The following TIMP3 variants were observed in gnomAD, a reference collection of about 807,000 sequenced individuals.
TIMP3 encodes the protein metalloproteinase inhibitor 3.
In TIMP3, 11 loss-of-function variants were observed where a neutral mutation model predicts 30.0. The observed-to-expected ratio is 0.37, with a 90% CI of 0.23 to 0.61. The LOEUF (loss-of-function observed/expected upper bound fraction) is 0.61. TIMP3 is among the 20% of genes least tolerant of loss of function. The pLI is 0.70. For missense variants in TIMP3, 181 were observed against 276.8 expected, an observed-to-expected ratio of 0.65 and a Z score of 2.45; for synonymous variants, 112 against 111.3, an observed-to-expected ratio of 1.01 and a Z score of -0.04.
intron 4 of TIMP3, 147 bp downstream of exon 4, chr22:32,858,285 T>C: frequency 8.6e-7 from 1 of 1,160,650 alleles, no homozygotes; most frequent in Non-Finnish European, 1.2e-6. Context: ...TCTGAGCAGA[T>C]ATAGTAAGGA....
chr22:32,808,500 C>G (rs74815824), intron 1 of TIMP3, among the ~76,000 whole-genome samples: 1,685 of 152,282 alleles, frequency 0.011, 32 homozygotes, highest in African/African-American at 0.038. Context: ...AATTCCTGTT[C>G]TGATGAAAGC....
At chr22:32,840,950 C>G (rs769407504) in intron 1 of TIMP3, among the ~76,000 whole-genome samples, 1 of 152,336 alleles carries the variant, frequency 6.6e-6, no homozygotes, top group East Asian at 1.9e-4. Flanking sequence ...AATACTGAAA[C>G]ACCTTCCTGG....
At chr22:32,847,027 T>C (rs1388144951) in intron 1 of TIMP3, among the ~76,000 whole-genome samples, 1 of 152,196 alleles carries the variant, frequency 6.6e-6, no homozygotes, top group African/African-American at 2.4e-5. Flanking sequence ...AGTCAAGCCA[T>C]TTTTGAACCA....
chr22:32,856,081 A>C (rs1383685821), intron 2 of TIMP3, among the ~76,000 whole-genome samples: 2 of 152,190 alleles, frequency 1.3e-5, no homozygotes, highest in African/African-American at 4.8e-5. Context: ...TTTGTAATAC[A>C]TCCCTCCCAG....
intron 1 of TIMP3, among the ~76,000 whole-genome samples, chr22:32,817,907 C>T (rs2146037780): frequency 6.6e-6 from 1 of 152,246 alleles, no homozygotes; most frequent in South Asian, 2.1e-4. Context: ...AGATCTCTCC[C>T]CTCTCTGTTC....
intron 1 of TIMP3, among the ~76,000 whole-genome samples, chr22:32,814,666 C>T (rs571560750): frequency 1.3e-5 from 2 of 152,268 alleles, no homozygotes; most frequent in South Asian, 2.1e-4. Flanking sequence ...TAGAATGCTC[C>T]ACCTGGATAG....
intron 1 of TIMP3, among the ~76,000 whole-genome samples, chr22:32,821,110 A>G (rs2047235333): frequency 6.6e-6 from 1 of 152,206 alleles, no homozygotes; most frequent in Non-Finnish European, 1.5e-5. Flanking sequence ...AAGGGTTTGG[A>G]GAGACAGTGG....
chr22:32,832,517 A>T (rs1039109310), intron 1 of TIMP3, among the ~76,000 whole-genome samples: 3 of 151,764 alleles, frequency 2.0e-5, no homozygotes, highest in Non-Finnish European at 4.4e-5. Context: ...TTGCTATTCA[A>T]TACTTTCTAC....
chr22:32,827,449 C>G (rs985076794), intron 1 of TIMP3, among the ~76,000 whole-genome samples: 3 of 152,236 alleles, frequency 2.0e-5, no homozygotes, highest in African/African-American at 7.2e-5. Context: ...CCTACTTGTA[C>G]AAATGGATTT....
At chr22:32,843,116 T>C (rs1447075385) in intron 1 of TIMP3, among the ~76,000 whole-genome samples, 2 of 152,124 alleles carry the variant, frequency 1.3e-5, no homozygotes, top group African/African-American at 4.8e-5. Context: ...GCAAAACTGC[T>C]TACAGGCTAC....
intron 1 of TIMP3, among the ~76,000 whole-genome samples, chr22:32,804,595 G>C (rs539499965): frequency 1.3e-5 from 2 of 152,286 alleles, no homozygotes. Context: ...GGTCCTCTCC[G>C]GGGGGCTGCC....
At chr22:32,826,775 C>G (rs1238176204) in intron 1 of TIMP3, among the ~76,000 whole-genome samples, 1 of 152,162 alleles carries the variant, frequency 6.6e-6, no homozygotes, top group Non-Finnish European at 1.5e-5. Context: ...TATCCAGTCC[C>G]AAGCCTGCCA....
intron 1 of TIMP3, among the ~76,000 whole-genome samples, chr22:32,846,010 C>T (rs565840293): frequency 1.3e-5 from 2 of 152,248 alleles, no homozygotes; most frequent in South Asian, 4.1e-4. Flanking sequence ...GCCAGCAATT[C>T]TACTTTGGAA....
At chr22:32,807,324 T>C (rs1197146448) in intron 1 of TIMP3, among the ~76,000 whole-genome samples, 1 of 89,632 alleles carries the variant, frequency 1.1e-5, no homozygotes, top group Non-Finnish European at 2.0e-5. Flanking sequence ...AATATATAAA[T>C]ATATAATTTA....
chr22:32,859,531 G>T lies in TIMP3; in HGVS notation c.*154G>T. The T allele has an allele frequency of 4.1e-6, 4 of 975,812 alleles. No individual in the cohort carries two copies. The South Asian group carries it at 6.8e-5, about 17-fold the overall frequency. 60.4% of individuals were successfully genotyped at this position (975,812 alleles called of 1,614,324 possible). On this transcript the variant is annotated 3_prime_UTR_variant, in exon 5 of 5. Coordinates refer to ENST00000266085, the MANE Select transcript of TIMP3 (RefSeq NM_000362.5). ...AAGAAAGGTCTATGCTGTCATATGGGGTTTATTGGGAACTATCCTCCTGGC... is the reference window on the plus strand; with the variant it reads ...AAGAAAGGTCTATGCTGTCATATGGTGTTTATTGGGAACTATCCTCCTGGC...
chr22:32,819,832 C>T (rs1373817883), intron 1 of TIMP3, among the ~76,000 whole-genome samples: 1 of 152,220 alleles, frequency 6.6e-6, no homozygotes, highest in Non-Finnish European at 1.5e-5. Context: ...CCATAACTTG[C>T]TACCTGTCCA....
At chr22:32,815,062 TAGTTGCGTTTC>T (rs1223640528) in intron 1 of TIMP3, among the ~76,000 whole-genome samples, 1 of 152,274 alleles carries the variant, frequency 6.6e-6, no homozygotes, top group Admixed American at 6.5e-5. Flanking sequence ...CAGTTTGGAC[TAGTTGCGTTTC>T]AGCTACCTGT....
intron 1 of TIMP3, among the ~76,000 whole-genome samples, chr22:32,814,589 C>T (rs181189426): frequency 1.3e-3 from 195 of 152,288 alleles, no homozygotes; most frequent in African/African-American, 4.6e-3. Flanking sequence ...GGTGCTTTGG[C>T]AGCTGGATAG....
At chr22:32,805,583 C>A (rs944950600) in intron 1 of TIMP3, among the ~76,000 whole-genome samples, 2 of 152,076 alleles carry the variant, frequency 1.3e-5, no homozygotes, top group Admixed American at 1.3e-4. Flanking sequence ...TTAGGCCCCT[C>A]CTGGTTGCAC....
Sources: allele counts gnomAD v4.1 joint callset (sites outside exome capture counted in the v4.1 genomes callset), GRCh38; gene constraint gnomAD v4.1.1; transcripts MANE v1.5; gene names NCBI Gene and HGNC (gene_info 2026-07-23, HGNC 2026-07-21).